RPH3A: variants seen among roughly 807,000 people sequenced by gnomAD.
RPH3A encodes rabphilin 3A.
A neutral mutation model predicts 102.2 loss-of-function variants in RPH3A; 48 were observed. The observed-to-expected ratio is 0.47, with a 90% CI of 0.37 to 0.60. RPH3A has a LOEUF of 0.60. Ranked by LOEUF, RPH3A falls within the 20% of genes least tolerant of loss-of-function variation. The probability of loss-of-function intolerance (pLI) is 0.00; values close to 1 mark genes in which losing one functional copy is unlikely to be tolerated. For missense variants in RPH3A, 781 were observed against 910.1 expected (o/e 0.86, Z 1.83); for synonymous variants, 310 against 324.3 (o/e 0.96, Z 0.47).
At chr12:112,692,378 T>C (rs550799288) in intron 1 of RPH3A, among the ~76,000 whole-genome samples, 1 of 152,322 alleles carries the variant, frequency 6.6e-6, no homozygotes, top group Admixed American at 6.5e-5. Flanking sequence ...CTAATGACTT[T>C]GAGCTGATCA....
At position 112,674,209 on chromosome 12, in the gene RPH3A, C is replaced by T. The variant is rs77954066; in HGVS notation, c.-140+98890C>T. 5.6e-3 allele frequency among the ~76,000 whole-genome samples: 847 copies of T among 152,286 alleles called. 9 individuals are homozygous for T. The highest frequency in any genetic ancestry group is 0.019 in the African/African-American group (772 of 41,538). The stretch of plus-strand genomic sequence containing the variant: ...AGTAGCTGGGATTACAAGTGTGTGC[C>T]ACCGCACTTGGCTAATTTTTCAATT... On this transcript the variant is annotated intron_variant, in intron 1 of 21. Coordinates refer to the RPH3A transcript ENST00000543106.
intron 1 of RPH3A, among the ~76,000 whole-genome samples, chr12:112,585,498 T>A (rs993988391): frequency 6.6e-6 from 1 of 151,864 alleles, no homozygotes; most frequent in African/African-American, 2.4e-5. Context: ...ACTTCGGGAG[T>A]TCGAGACAGG....
At chr12:112,674,801 G>C (rs767710087) in intron 1 of RPH3A, among the ~76,000 whole-genome samples, 1 of 152,198 alleles carries the variant, frequency 6.6e-6, no homozygotes, top group Non-Finnish European at 1.5e-5. Flanking sequence ...AAAGCAGCAG[G>C]ATAATCCCTT....
intron 1 of RPH3A, among the ~76,000 whole-genome samples, chr12:112,596,780 T>C (rs2039520290): frequency 6.6e-6 from 1 of 152,232 alleles, no homozygotes; most frequent in Non-Finnish European, 1.5e-5. Context: ...ATTTGGATTC[T>C]AGTGAATCCG....
chr12:112,827,085 G>A (rs181393788), intron 2 of RPH3A, among the ~76,000 whole-genome samples: 2 of 152,198 alleles, frequency 1.3e-5, no homozygotes, highest in East Asian at 1.9e-4. Context: ...ATAACTCACA[G>A]ATAATATAAT....
intron 1 of RPH3A, among the ~76,000 whole-genome samples, chr12:112,727,745 G>A (rs927806081): frequency 1.3e-5 from 2 of 152,092 alleles, no homozygotes; most frequent in East Asian, 3.9e-4. Context: ...TGATTATATA[G>A]TTTGTGTTCC....
intron 18 of RPH3A, among the ~76,000 whole-genome samples, chr12:112,890,289 A>G (rs1396125999): frequency 1.3e-5 from 2 of 152,120 alleles, no homozygotes; most frequent in African/African-American, 4.8e-5. Context: ...TTTCTCTCAT[A>G]CCCAGGATGC....
rs1566255117 is a variant in RPH3A, at chr12:112,678,277, GAAAGAAAGAAAGAAAGAA to G, written c.-140+102960_-140+102977del. ...AGAAAGAAAGAAAGAAAGAAAGAAA[GAAAGAAAGAAAGAAAGAA>G]AGAAAGAAAGAGAGAGAGAGAGAAA... is the stretch of plus-strand genomic sequence containing the variant. On this transcript the variant is annotated intron_variant, in intron 1 of 21. Coordinates refer to the RPH3A transcript ENST00000543106. 1.2e-3 allele frequency among the ~76,000 whole-genome samples: 90 copies of G among 76,468 alleles called. 4 individuals are homozygous for G. The highest frequency in any genetic ancestry group is 5.0e-3 in the African/African-American group (79 of 15,856). 50.2% of individuals were successfully genotyped at this position (76,468 alleles called of 152,430 possible).
chr12:112,712,990 TTTG>T lies in RPH3A; in HGVS notation c.-139-79151_-139-79149del, dbSNP rs1352557183. 1.6e-3 allele frequency among the ~76,000 whole-genome samples: 164 copies of T among 104,358 alleles called. 11 individuals carry two copies. Among genetic ancestry groups the T allele is most frequent in the East Asian group, 5.4e-3 (18 of 3,312 alleles). The allele number at this position is 104,358 out of a possible 152,430, so 68.5% of individuals were successfully genotyped here. On this transcript the variant is annotated intron_variant, in intron 1 of 21. Coordinates refer to the RPH3A transcript ENST00000543106. ...TTCTTCTTCTTTCTTCTTCGTCGTCTTTGTCTTCCTCTTCCTCTTCCTCTTCCT... is the reference window on the plus strand; with the variant it reads ...TTCTTCTTCTTTCTTCTTCGTCGTCTTCTTCCTCTTCCTCTTCCTCTTCCT...
At chr12:112,889,338 C>T (rs1345792251) in intron 17 of RPH3A, among the ~76,000 whole-genome samples, 1 of 152,236 alleles carries the variant, frequency 6.6e-6, no homozygotes, top group Non-Finnish European at 1.5e-5. Flanking sequence ...TTTGGGTCTT[C>T]CCATCTTGCT....
At chr12:112,828,627 T>A (rs2136153639) in intron 3 of RPH3A, among the ~76,000 whole-genome samples, 1 of 152,320 alleles carries the variant, frequency 6.6e-6, no homozygotes, top group East Asian at 1.9e-4. Context: ...ACTGGAGAGA[T>A]AACTGACCTG....
chr12:112,619,731 A>G (rs1390456371), intron 1 of RPH3A, among the ~76,000 whole-genome samples: 2 of 152,112 alleles, frequency 1.3e-5, no homozygotes, highest in African/African-American at 4.8e-5. Flanking sequence ...GATTATAGAC[A>G]TCCTAGTGAG....
intron 1 of RPH3A, among the ~76,000 whole-genome samples, chr12:112,716,436 T>C (rs1320469010): frequency 1.3e-5 from 2 of 152,206 alleles, no homozygotes; most frequent in African/African-American, 2.4e-5. Context: ...GCTTTAACAG[T>C]GGCATTCAGA....
At chr12:112,732,229 C>G in intron 1 of RPH3A, among the ~76,000 whole-genome samples, 1 of 152,154 alleles carries the variant, frequency 6.6e-6, no homozygotes, top group Non-Finnish European at 1.5e-5. Context: ...AGGCCACTCT[C>G]TATTACCTTG....
At chr12:112,869,134 A>G (rs916131479) in intron 8 of RPH3A, 1 of 153,296 alleles carries the variant, frequency 6.5e-6, no homozygotes, top group African/African-American at 2.4e-5. Context: ...GAAGCAAAAC[A>G]GTAAAAATTT....
chr12:112,705,172 G>A (rs905496904), intron 1 of RPH3A, among the ~76,000 whole-genome samples: 1 of 152,154 alleles, frequency 6.6e-6, no homozygotes, highest in East Asian at 1.9e-4. Flanking sequence ...AAAGGAAAAG[G>A]TAGGGATCTG....
chr12:112,800,947 C>A (rs766717961), intron 2 of RPH3A, among the ~76,000 whole-genome samples: 1 of 152,150 alleles, frequency 6.6e-6, no homozygotes, highest in Non-Finnish European at 1.5e-5. Flanking sequence ...GTTCCCCTCT[C>A]CCCGGAAGAA....
At chr12:112,601,018 T>C (rs1026527695) in intron 1 of RPH3A, among the ~76,000 whole-genome samples, 2 of 152,142 alleles carry the variant, frequency 1.3e-5, no homozygotes, top group African/African-American at 4.8e-5. Context: ...TGAGAGGCAC[T>C]CATTATCACG....
At chr12:112,669,338 A>G (rs1266247836) in intron 1 of RPH3A, among the ~76,000 whole-genome samples, 1 of 152,246 alleles carries the variant, frequency 6.6e-6, no homozygotes, top group Non-Finnish European at 1.5e-5. Flanking sequence ...CATATACTCC[A>G]TAAATATATA....
Sources: allele counts gnomAD v4.1 joint callset (sites outside exome capture counted in the v4.1 genomes callset), GRCh38; gene constraint gnomAD v4.1.1; transcripts MANE v1.5; gene names NCBI Gene and HGNC (gene_info 2026-07-23, HGNC 2026-07-21).